CEP70: variants seen among roughly 807,000 people sequenced by gnomAD.
CEP70 encodes the protein centrosomal protein of 70 kDa.
Under a neutral mutation model 90.9 loss-of-function variants are expected in CEP70, and 70 were observed. That is an observed-to-expected ratio of 0.77 (90% CI 0.64 to 0.94). The LOEUF (loss-of-function observed/expected upper bound fraction) is 0.94, where lower values mean the gene tolerates loss of function less well. Ranked by LOEUF, CEP70 falls within the 40% of genes least tolerant of loss-of-function variation. The probability of loss-of-function intolerance (pLI) is 0.00; values close to 1 mark genes in which losing one functional copy is unlikely to be tolerated. For missense variants in CEP70, 648 were observed against 669.0 expected (o/e 0.97, Z 0.35); for synonymous variants, 220 against 228.3 (o/e 0.96, Z 0.33).
In CEP70 at chr3:138,496,356, A is replaced by T. The variant is rs922808987; in HGVS notation, c.1733-1280T>A. 4 of 985,310 alleles carry T rather than the reference A, an allele frequency of 4.1e-6. No homozygotes were observed. In the African/African-American group the frequency reaches 7.0e-5, roughly 17 times the overall value. 61.0% of individuals were successfully genotyped at this position (985,310 alleles called of 1,614,324 possible). ...GACTTCAGTCAGAATACTTGTCTGA[A>T]CCCACTAACAAAGCATCAAGATATG... On this transcript the variant is annotated intron_variant, in intron 17 of 17. Transcript: ENST00000264982.
At chr3:138,571,659 C>T (rs576318584) in intron 3 of CEP70, among the ~76,000 whole-genome samples, 132 of 152,280 alleles carry the variant, frequency 8.7e-4, no homozygotes, top group Non-Finnish European at 1.6e-3. Context: ...TCAAATAAAT[C>T]TAAGGTTTTA....
intron 10 of CEP70, among the ~76,000 whole-genome samples, chr3:138,525,805 G>C (rs1303975468): frequency 6.6e-6 from 1 of 152,046 alleles, no homozygotes; most frequent in Non-Finnish European, 1.5e-5. Flanking sequence ...TGTTTTTATA[G>C]TGAAATATTT....
rs116742934 is a variant in CEP70 at position 138,539,699 on chromosome 3, T to C, written c.466-2352A>G. ...CTCAAAAGAGCAAATCTAAGAATCA[T>C]TGGCCTTCAAGAAGGAGTTGAGAAA... On this transcript the variant is annotated intron_variant, in intron 6 of 17. Coordinates refer to ENST00000264982, the MANE Select transcript of CEP70 (RefSeq NM_024491.4). Among the ~76,000 whole-genome samples the C allele has an allele frequency of 5.7e-3, 861 of 152,220 alleles. 7 individuals carry two copies. Among genetic ancestry groups the C allele is most frequent in the African/African-American group, 0.02 (826 of 41,546 alleles).
chr3:138,583,793 G>C (rs747762656), intron 2 of CEP70, among the ~76,000 whole-genome samples: 1 of 151,958 alleles, frequency 6.6e-6, no homozygotes, highest in African/African-American at 2.4e-5. Context: ...AAAACCTATG[G>C]GATACAGTGA....
chr3:138,579,905 G>A (rs1180588798), intron 2 of CEP70, among the ~76,000 whole-genome samples: 1 of 152,034 alleles, frequency 6.6e-6, no homozygotes, highest in Non-Finnish European at 1.5e-5. Context: ...AGAGCATTAA[G>A]AAAGCTCTTG....
intron 2 of CEP70, 134 bp from the exon 3 acceptor site, chr3:138,573,066 C>G (rs1030513768): frequency 1.6e-6 from 1 of 641,936 alleles, no homozygotes; most frequent in Non-Finnish European, 2.7e-6. Flanking sequence ...CAGGGCAATT[C>G]AGGTCATTCC....
At chr3:138,497,361 T>C in intron 17 of CEP70, 6 of 1,233,764 alleles carry the variant, frequency 4.9e-6, no homozygotes, top group Non-Finnish European at 6.2e-6. Flanking sequence ...TCAAATGAGC[T>C]ATACAGAAAA....
chr3:138,515,777 G>A (rs2035959289), intron 11 of CEP70, among the ~76,000 whole-genome samples: 1 of 152,156 alleles, frequency 6.6e-6, no homozygotes, highest in South Asian at 2.1e-4. Context: ...GTGTGTGCAT[G>A]TTATACACTT....
At chr3:138,555,647 AC>A (rs2107995516) in intron 6 of CEP70, among the ~76,000 whole-genome samples, 1 of 152,372 alleles carries the variant, frequency 6.6e-6, no homozygotes, top group African/African-American at 2.4e-5. Flanking sequence ...CAAATGGCCA[AC>A]AAACACATGA....
At chr3:138,502,702 G>A (rs1296770035) in intron 13 of CEP70, among the ~76,000 whole-genome samples, 1 of 152,136 alleles carries the variant, frequency 6.6e-6, no homozygotes, top group Admixed American at 6.5e-5. Flanking sequence ...AAGAAAAGAT[G>A]TTCTGGTCTC....
chr3:138,571,265 C>G lies in CEP70; in HGVS notation c.160+1G>C, dbSNP rs759001758. 1 of 1,600,934 alleles carries G rather than the reference C, an allele frequency of 6.2e-7. No individual in the cohort carries two copies. Among genetic ancestry groups the G allele is most frequent in the East Asian group, 2.2e-5 (1 of 44,642 alleles). On this transcript the variant is annotated splice_donor_variant, in intron 4 of 17. Coordinates refer to ENST00000264982, the MANE Select transcript of CEP70 (RefSeq NM_024491.4). LOFTEE classifies it high-confidence loss of function. ...AAGCATCAAGAATAGGATCTAATTACCTTTGAGATCTGTTCTTTTGACTAG... is the reference window on the plus strand; with the variant it reads ...AAGCATCAAGAATAGGATCTAATTAGCTTTGAGATCTGTTCTTTTGACTAG...
At chr3:138,537,700 G>T (rs1170111699) in intron 6 of CEP70, among the ~76,000 whole-genome samples, 1 of 151,950 alleles carries the variant, frequency 6.6e-6, no homozygotes, top group Non-Finnish European at 1.5e-5. Context: ...TATTAATTGG[G>T]GATTGCAAAT....
chr3:138,583,828 G>A (rs572014017), intron 2 of CEP70, among the ~76,000 whole-genome samples: 1 of 152,158 alleles, frequency 6.6e-6, no homozygotes, highest in South Asian at 2.1e-4. Flanking sequence ...GAAATTTATA[G>A]CTTTAAGTGC....
chr3:138,563,027 A>AG, intron 6 of CEP70, among the ~76,000 whole-genome samples: 1 of 152,058 alleles, frequency 6.6e-6, no homozygotes, highest in South Asian at 2.1e-4. Context: ...GTAAATGGAA[A>AG]GCAAAAAAAA....
intron 6 of CEP70, among the ~76,000 whole-genome samples, chr3:138,538,890 T>C (rs1206351494): frequency 6.6e-6 from 1 of 152,220 alleles, no homozygotes; most frequent in Non-Finnish European, 1.5e-5. Context: ...TTCATCTAGG[T>C]TAGCTAATCT....
At chr3:138,505,013 A>G (rs1234844621) in intron 13 of CEP70, among the ~76,000 whole-genome samples, 1 of 152,200 alleles carries the variant, frequency 6.6e-6, no homozygotes, top group South Asian at 2.1e-4. Context: ...TGGATCCACT[A>G]TAGATTTTCA....
rs2040388064 is a variant in CEP70, at chr3:138,561,264, C to CCTCCAGCAAA, written c.465+9044_465+9053dup. ...CCAGGCAAACGGGGTCTGGAGTGGG[C>CCTCCAGCAAA]CTCCAGCAAACTCCAGCAGACCTGC... On this transcript the variant is annotated intron_variant, in intron 6 of 17. Transcript: ENST00000264982. Among the ~76,000 whole-genome samples the CCTCCAGCAAA allele has an allele frequency of 2.6e-5, 4 of 152,146 alleles. No individual in the cohort carries two copies. The East Asian group carries it at 7.7e-4, about 29-fold the overall frequency.
chr3:138,558,471 G>A (rs1296241923), intron 6 of CEP70, among the ~76,000 whole-genome samples: 1 of 152,204 alleles, frequency 6.6e-6, no homozygotes, highest in South Asian at 2.1e-4. Flanking sequence ...AAGCTAAGAA[G>A]GTGACCAAAG....
rs763266142 is a variant in CEP70, at chr3:138,529,422, C to T, written c.733G>A (p.Asp245Asn). The change falls in exon 9 of 18, where the codon GAC (aspartate) becomes AAC (asparagine). Residue 245 changes from aspartate to asparagine, a missense_variant. Transcript: ENST00000264982. ...GGTGAGGCATCCAGATTTCTGTAGT[C>T]GTTTTCTTCTTCTGACTGACTTTCA... The part of the protein sequence containing the change: ...EDESQSEEEN[D>N]YRNLDASPTY... The T allele has an allele frequency of 5.0e-6, 8 of 1,612,094 alleles. No homozygotes were observed. In the South Asian group the frequency reaches 5.5e-5, roughly 11 times the overall value.
Sources: allele counts gnomAD v4.1 joint callset (sites outside exome capture counted in the v4.1 genomes callset), GRCh38; gene constraint gnomAD v4.1.1; transcripts MANE v1.5; gene names NCBI Gene and HGNC (gene_info 2026-07-23, HGNC 2026-07-21).